The following RUBCN variants were observed in gnomAD, a reference collection of about 807,000 sequenced individuals.
RUBCN encodes the protein run domain Beclin-1-interacting and cysteine-rich domain-containing protein.
In RUBCN, 74 loss-of-function variants were observed where a neutral mutation model predicts 113.2. The ratio of observed to expected loss-of-function variants is 0.65; its 90% CI spans 0.54 to 0.79. The LOEUF (loss-of-function observed/expected upper bound fraction) is 0.79. Among genes scored for constraint, RUBCN ranks in the 30% least tolerant of loss-of-function variants. The probability of loss-of-function intolerance (pLI) is 0.00; values close to 1 mark genes in which losing one functional copy is unlikely to be tolerated. For missense variants in RUBCN, 1,109 were observed against 1,251.7 expected (o/e 0.89, Z 1.72); for synonymous variants, 480 against 490.0 (o/e 0.98, Z 0.27).
chr3:197,743,445 C>T (rs953102602), intron 1 of RUBCN, among the ~76,000 whole-genome samples: 5 of 152,114 alleles, frequency 3.3e-5, no homozygotes, highest in African/African-American at 4.8e-5. Flanking sequence ...GTTGAATGAA[C>T]GAATAAATGA....
At chr3:197,695,841 CT>C in intron 9 of RUBCN, 24 bp downstream of exon 9, 1 of 1,601,498 alleles carries the variant, frequency 6.2e-7, no homozygotes, top group Non-Finnish European at 8.6e-7. Flanking sequence ...CTCATGAGCT[CT>C]TCATGAGGCC....
At chr3:197,738,551 G>A (rs1012534485), upstream of RUBCN, among the ~76,000 whole-genome samples, 13 of 152,130 alleles carry the variant, frequency 8.5e-5, no homozygotes, top group Admixed American at 2.0e-4. Context: ...TTAAGAAAGG[G>A]GCAATATTAC....
chr3:197,684,173 C>T lies in RUBCN; in HGVS notation c.1831G>A (p.Val611Ile), dbSNP rs929802845. The T allele has an allele frequency of 1.4e-5, 22 of 1,612,588 alleles. No homozygotes were observed. The highest frequency in any genetic ancestry group is 3.3e-5 in the Admixed American group (2 of 59,980). Residue 611 changes from valine to isoleucine, a missense_variant, in exon 12 of 20, where the codon GTT becomes ATT. Transcript: ENST00000296343. ...AGTACTCACAAGGACTGGGAGGAAA[C>T]GAAGGATTTGCTGCTTGAGGCTGTG... Reference protein sequence around the residue: ...RNTASSSKSFVSSQSFSHCFL... With the variant: ...RNTASSSKSFISSQSFSHCFL...
intron 11 of RUBCN, among the ~76,000 whole-genome samples, chr3:197,690,670 T>G (rs2108874476): frequency 6.6e-6 from 1 of 152,366 alleles, no homozygotes; most frequent in Admixed American, 6.5e-5. Context: ...AAAGAGACAG[T>G]AAGCTTCATA....
At chr3:197,677,600 G>A (rs1720592083) in intron 16 of RUBCN, 59 bp from the exon 17 acceptor site, 1 of 1,523,774 alleles carries the variant, frequency 6.6e-7, no homozygotes, top group South Asian at 1.1e-5. Flanking sequence ...GGAATCCAGT[G>A]TGGGAAGCCC....
At chr3:197,739,944 G>A (rs1396140709), upstream of RUBCN, among the ~76,000 whole-genome samples, 1 of 151,532 alleles carries the variant, frequency 6.6e-6, no homozygotes, top group East Asian at 2.0e-4. Context: ...GGTGGCTGAG[G>A]CATGAGAATC....
intron 2 of RUBCN, among the ~76,000 whole-genome samples, chr3:197,717,336 C>T (rs1454583439): frequency 6.1e-5 from 9 of 147,920 alleles, no homozygotes; most frequent in African/African-American, 1.8e-4. Flanking sequence ...CCCAGCTACT[C>T]GGGAGGCTGA....
Position 197,705,142 on chromosome 3 carries a change from C to T in RUBCN, c.253G>A (p.Val85Met), listed in dbSNP as rs373971445. The T allele has an allele frequency of 2.6e-5, 42 of 1,614,020 alleles. No homozygotes were observed. Among genetic ancestry groups the T allele is most frequent in the Non-Finnish European group, 3.2e-5 (38 of 1,180,010 alleles). ...GGACTGAGCCACCGGATGTCTTTCA[C>T]GAACTGCCAGTAATCCGTCTGGCGG... ...CRRQTDYWQF[V>M]KDIRWLSPHS... Residue 85 changes from valine (V) to methionine (M), a missense_variant, in exon 3 of 20, where the codon GTG becomes ATG. This residue lies in a region of RUBCN where 736 missense variants were observed against 779.6 expected (regional missense o/e 0.94). Transcript: ENST00000296343.
At chr3:197,693,197 C>T (rs1722623713) in intron 11 of RUBCN, among the ~76,000 whole-genome samples, 1 of 152,178 alleles carries the variant, frequency 6.6e-6, no homozygotes, top group Admixed American at 6.5e-5. Context: ...ACCACCACCA[C>T]CACCAATAAA....
In RUBCN at chr3:197,671,804, A is replaced by T. The variant is rs1719815646; in HGVS notation, c.*3214T>A. 6.6e-6 allele frequency: 1 copy of T among 152,228 alleles called. No homozygotes were observed. The allele number at this position is 152,228 out of a possible 1,614,324, so 9.4% of individuals were successfully genotyped here. A position where few individuals can be genotyped will look rare whatever the true frequency, so the allele number is the denominator to read the frequency against. Reference sequence around the variant, plus strand: ...CAGTTACACCATGCACCAGAAACCCAGAGAAGTGAAGTGGTTCGCTCGAGG... The same window carrying T: ...CAGTTACACCATGCACCAGAAACCCTGAGAAGTGAAGTGGTTCGCTCGAGG... On this transcript the variant is annotated 3_prime_UTR_variant, in exon 20 of 20. Coordinates refer to ENST00000296343, the MANE Select transcript of RUBCN (RefSeq NM_014687.4).
intron 5 of RUBCN, 21 bp downstream of exon 5, chr3:197,703,527 A>G (rs1178145756): frequency 1.9e-6 from 3 of 1,542,938 alleles, no homozygotes; most frequent in South Asian, 1.1e-5. Flanking sequence ...ATAGACGTGG[A>G]TAATTCCTTG....
intron 1 of RUBCN, chr3:197,749,255 A>G (rs2109029445): frequency 9.6e-7 from 1 of 1,039,308 alleles, no homozygotes; most frequent in African/African-American, 1.7e-5. Context: ...AGCTACATCA[A>G]CAGAGGTACT....
chr3:197,710,829 T>G (rs1329404188), intron 2 of RUBCN, among the ~76,000 whole-genome samples: 3 of 152,146 alleles, frequency 2.0e-5, no homozygotes, highest in Non-Finnish European at 4.4e-5. Flanking sequence ...TTTTACTTTT[T>G]TTTTTTTGAG....
intron 2 of RUBCN, among the ~76,000 whole-genome samples, chr3:197,708,921 GA>G (rs1724636963): frequency 6.6e-6 from 1 of 151,970 alleles, no homozygotes; most frequent in African/African-American, 2.4e-5. Flanking sequence ...GAAGTTAGGG[GA>G]AAAATGAAAA....
chr3:197,736,213 C>T (rs1306344841), intron 1 of RUBCN, among the ~76,000 whole-genome samples: 3 of 152,194 alleles, frequency 2.0e-5, no homozygotes, highest in Non-Finnish European at 4.4e-5. Context: ...ACTCATAACG[C>T]TTCACCTCTG....
intron 1 of RUBCN, among the ~76,000 whole-genome samples, chr3:197,732,338 G>C (rs939136985): frequency 6.6e-6 from 1 of 152,184 alleles, no homozygotes; most frequent in Non-Finnish European, 1.5e-5. Context: ...TTTTTGAGAC[G>C]AGTCTCACTC....
At chr3:197,711,313 G>A (rs370375256) in intron 2 of RUBCN, among the ~76,000 whole-genome samples, 52 of 152,284 alleles carry the variant, frequency 3.4e-4, no homozygotes, top group African/African-American at 1.3e-3. Context: ...TTCACCAGGG[G>A]ACTGGCTAAA....
intron 1 of RUBCN, among the ~76,000 whole-genome samples, chr3:197,730,621 TGTGGATGCTGTGCCAAGGCCCGGA>T (rs1727309986): frequency 6.8e-6 from 1 of 146,966 alleles, no homozygotes; most frequent in South Asian, 2.2e-4. Context: ...CCATCACGAG[TGTGGATGCTGTGCCAAGGCCCGGA>T]GCTCTGGGAG....
At chr3:197,739,805 G>A (rs969101195), upstream of RUBCN, among the ~76,000 whole-genome samples, 2 of 152,202 alleles carry the variant, frequency 1.3e-5, no homozygotes, top group Admixed American at 6.5e-5. Flanking sequence ...GGAGGCCCAG[G>A]CAGGCGGGTC....
Sources: allele counts gnomAD v4.1 joint callset (sites outside exome capture counted in the v4.1 genomes callset), GRCh38; gene constraint gnomAD v4.1.1; regional missense constraint gnomAD v4.1.1; transcripts MANE v1.5; gene names NCBI Gene and HGNC (gene_info 2026-07-23, HGNC 2026-07-21).